ST18: variants seen among roughly 807,000 people sequenced by gnomAD.
The protein encoded by ST18 is suppression of tumorigenicity 18 protein.
In ST18, 50 loss-of-function variants were observed where a neutral mutation model predicts 110.0. The observed-to-expected ratio is 0.45, with a 90% CI of 0.36 to 0.58. The LOEUF (loss-of-function observed/expected upper bound fraction) is 0.58. Ranked by LOEUF, ST18 falls within the 20% of genes least tolerant of loss-of-function variation. ST18 has a pLI of 0.00. For synonymous variants in ST18, 461 were observed against 452.4 expected, an observed-to-expected ratio of 1.02 and a Z score of -0.24; for missense variants, 1,306 against 1,280.1, an observed-to-expected ratio of 1.02 and a Z score of -0.31.
At chr8:52,202,097 G>A (rs1189264611) in intron 8 of ST18, among the ~76,000 whole-genome samples, 2 of 152,196 alleles carry the variant, frequency 1.3e-5, no homozygotes, top group East Asian at 3.8e-4. Context: ...TAGGGCTCAG[G>A]TGTTCTTATC....
intron 25 of ST18, among the ~76,000 whole-genome samples, chr8:52,115,991 C>A (rs1258347862): frequency 2.6e-5 from 4 of 152,010 alleles, no homozygotes; most frequent in Non-Finnish European, 5.9e-5. Flanking sequence ...GGAGTTTTGC[C>A]CTTCAACTTT....
At chr8:52,209,856 A>G (rs2081545996) in intron 8 of ST18, among the ~76,000 whole-genome samples, 1 of 150,226 alleles carries the variant, frequency 6.7e-6, no homozygotes, top group African/African-American at 2.4e-5. Flanking sequence ...CTCAAATAGT[A>G]ATTTCTATTT....
At chr8:52,342,552 T>G (rs1815584326) in intron 2 of ST18, among the ~76,000 whole-genome samples, 2 of 152,234 alleles carry the variant, frequency 1.3e-5, no homozygotes, top group South Asian at 4.1e-4. Context: ...ATGTGACATT[T>G]CTAGAAACAA....
chr8:52,366,037 A>G (rs556385590), intron 2 of ST18, among the ~76,000 whole-genome samples: 2 of 152,226 alleles, frequency 1.3e-5, no homozygotes, highest in Admixed American at 1.3e-4. Flanking sequence ...GGAAATTATC[A>G]TCATTGCTCC....
chr8:52,340,759 G>C (rs1300220199), intron 2 of ST18, among the ~76,000 whole-genome samples: 3 of 152,320 alleles, frequency 2.0e-5, no homozygotes, highest in East Asian at 1.9e-4. Context: ...AAGGAGTGCT[G>C]TTTGTTCTCC....
rs575899577 is a variant in ST18, at chr8:52,280,770, T to C, written c.-464-50693A>G. 3.9e-5 allele frequency among the ~76,000 whole-genome samples: 6 copies of C among 152,154 alleles called. No individual in the cohort carries two copies. The East Asian group carries it at 7.7e-4, about 20-fold the overall frequency. On this transcript the variant is annotated intron_variant, in intron 2 of 25. Transcript: ENST00000689386. ...GACAACTCTAATAAAATTGGACACA[T>C]CTATCATAATATAAAAGTTTTAAAC...
chr8:52,315,111 A>G (rs906777399), intron 2 of ST18, among the ~76,000 whole-genome samples: 4 of 152,222 alleles, frequency 2.6e-5, no homozygotes, highest in African/African-American at 9.6e-5. Flanking sequence ...TACATTGCTT[A>G]TCCAGAAGTA....
At chr8:52,400,268 C>T (rs778508229) in intron 2 of ST18, among the ~76,000 whole-genome samples, 1 of 152,166 alleles carries the variant, frequency 6.6e-6, no homozygotes, top group East Asian at 1.9e-4. Context: ...TCTTTTTTCA[C>T]TCCCTTCACT....
chr8:52,126,257 C>A, intron 22 of ST18, 117 bp from the exon 23 acceptor site: 1 of 959,242 alleles, frequency 1.0e-6, no homozygotes, highest in Non-Finnish European at 1.6e-6. Flanking sequence ...TACATTATAA[C>A]CCACAGTCTC....
chr8:52,209,657 C>T (rs1028280794), intron 8 of ST18, among the ~76,000 whole-genome samples: 16 of 151,316 alleles, frequency 1.1e-4, no homozygotes, highest in Non-Finnish European at 1.6e-4. Context: ...GTAATCCCAG[C>T]TACTCGACAG....
intron 2 of ST18, among the ~76,000 whole-genome samples, chr8:52,258,778 G>A (rs982613017): frequency 1.3e-5 from 2 of 152,166 alleles, no homozygotes; most frequent in South Asian, 2.1e-4. Context: ...GAAGTGGCAA[G>A]AGCAGACACC....
chr8:52,275,397 C>T (rs1275675684), intron 2 of ST18, among the ~76,000 whole-genome samples: 2 of 152,118 alleles, frequency 1.3e-5, no homozygotes, highest in African/African-American at 4.8e-5. Context: ...AGTTTAAATT[C>T]ATTTGTTTCA....
intron 2 of ST18, among the ~76,000 whole-genome samples, chr8:52,354,384 T>C (rs1039678692): frequency 6.6e-6 from 1 of 152,166 alleles, no homozygotes; most frequent in African/African-American, 2.4e-5. Flanking sequence ...GGATATGATA[T>C]TTTCAGAGCA....
intron 2 of ST18, among the ~76,000 whole-genome samples, chr8:52,370,967 C>A (rs575235275): frequency 6.6e-6 from 1 of 152,310 alleles, no homozygotes; most frequent in Non-Finnish European, 1.5e-5. Flanking sequence ...TAGGGTAATG[C>A]TTGGGCTCTG....
At chr8:52,118,144 A>C (rs1334581005) in intron 24 of ST18, among the ~76,000 whole-genome samples, 194 bp downstream of exon 24, 2 of 152,214 alleles carry the variant, frequency 1.3e-5, no homozygotes, top group Non-Finnish European at 2.9e-5. Context: ...AAGCTTGCCC[A>C]GAGCTACTGA....
At position 52,172,531 on chromosome 8, in the gene ST18, T is replaced by G; in HGVS notation, c.330A>C (p.Glu110Asp). 1 of 1,608,706 alleles carries G rather than the reference T, an allele frequency of 6.2e-7. No individual in the cohort carries two copies. The highest frequency in any genetic ancestry group is 8.5e-7 in the Non-Finnish European group (1 of 1,178,494). Reference sequence around the variant, plus strand: ...ATCTGTCTTCCTTCCTACTGGAGTTTTCTTGTGCAGTTGAAAGAAGACTTT... The same window carrying G: ...ATCTGTCTTCCTTCCTACTGGAGTTGTCTTGTGCAGTTGAAAGAAGACTTT... ...MDESLLSTAQ[E>D]NSSRKEDRYS... The change falls in exon 10 of 26, where the codon GAA becomes GAC. Residue 110 changes from glutamate (E) to aspartate (D), a missense_variant. Transcript: ENST00000689386.
chr8:52,264,449 A>C (rs575342442), intron 2 of ST18, among the ~76,000 whole-genome samples: 1 of 152,282 alleles, frequency 6.6e-6, no homozygotes, highest in Admixed American at 6.5e-5. Flanking sequence ...GGTGGCTGAG[A>C]TATTTATCTG....
chr8:52,113,075 C>T lies in ST18; in HGVS notation c.*123G>A. The T allele has an allele frequency of 9.0e-7, 1 of 1,117,296 alleles. No individual in the cohort carries two copies. Among genetic ancestry groups the T allele is most frequent in the Non-Finnish European group, 1.2e-6 (1 of 835,944 alleles). 69.2% of individuals were successfully genotyped at this position (1,117,296 alleles called of 1,614,324 possible). ...TCAGCTGGGGAAAATAAAATTAGTG[C>T]AATGTTGCAAATTGTAAATGCAGTA... On this transcript the variant is annotated 3_prime_UTR_variant, in exon 26 of 26. Coordinates refer to ENST00000689386, the MANE Select transcript of ST18 (RefSeq NM_001352837.2).
intron 22 of ST18, among the ~76,000 whole-genome samples, chr8:52,130,090 AAGAAAAAG>A (rs1288451686): frequency 8.1e-6 from 1 of 124,148 alleles, no homozygotes; most frequent in African/African-American, 3.6e-5. Context: ...GAGAGAAAGA[AAGAAAAAG>A]AAAGAAAGAA....
Sources: allele counts gnomAD v4.1 joint callset (sites outside exome capture counted in the v4.1 genomes callset), GRCh38; gene constraint gnomAD v4.1.1; transcripts MANE v1.5; gene names NCBI Gene and HGNC (gene_info 2026-07-23, HGNC 2026-07-21).